VPS53: variants seen among roughly 807,000 people sequenced by gnomAD.
The protein encoded by VPS53 is vacuolar protein sorting-associated protein 53 homolog.
In VPS53, 70 loss-of-function variants were observed where a neutral mutation model predicts 107.0. The observed-to-expected ratio is 0.65, with a 90% CI of 0.54 to 0.80. VPS53 has a LOEUF of 0.80. Ranked by LOEUF, VPS53 falls within the 30% of genes least tolerant of loss-of-function variation. VPS53 has a pLI of 0.00. For missense variants in VPS53, 917 were observed against 1,049.4 expected (o/e 0.87, Z 1.74); for synonymous variants, 409 against 393.3 (o/e 1.04, Z -0.47).
intron 18 of VPS53, among the ~76,000 whole-genome samples, chr17:534,485 G>A (rs1253319242): frequency 1.3e-5 from 2 of 152,200 alleles, no homozygotes; most frequent in Non-Finnish European, 2.9e-5. Context: ...TTGTGATCAG[G>A]AAGGAGAGTA....
chr17:551,353 C>T (rs969139599), intron 17 of VPS53, among the ~76,000 whole-genome samples: 50 of 151,972 alleles, frequency 3.3e-4, no homozygotes, highest in Middle Eastern at 3.2e-3. Flanking sequence ...GACTGCTTGA[C>T]GCCAGGAGTT....
At chr17:556,406 G>C (rs1019942462) in intron 15 of VPS53, among the ~76,000 whole-genome samples, 1 of 152,196 alleles carries the variant, frequency 6.6e-6, no homozygotes, top group Non-Finnish European at 1.5e-5. Context: ...ATGGGAAACT[G>C]GGTAAGTGGT....
In VPS53 at chr17:676,345, T is replaced by C. The variant is rs191272980; in HGVS notation, c.286-14450A>G. 149 of 152,358 alleles carry C rather than the reference T, an allele frequency of 9.8e-4. 1 individual carries two copies. Among genetic ancestry groups the C allele is most frequent in the African/African-American group, 3.3e-3 (139 of 41,574 alleles). The allele number at this position is 152,358 out of a possible 1,614,324, so 9.4% of individuals were successfully genotyped here. ...AAACATATCTCAGTGACTTCTTGTA[T>C]CAAGGACCTGAAATCCAGAAGGCTT... On this transcript the variant is annotated intron_variant, in intron 4 of 21. Transcript: ENST00000437048.
At chr17:705,146 T>C (rs1284457398) in intron 2 of VPS53, among the ~76,000 whole-genome samples, 1 of 152,132 alleles carries the variant, frequency 6.6e-6, no homozygotes, top group Admixed American at 6.6e-5. Context: ...CTGAGTATGT[T>C]CAAACTTGGG....
At chr17:697,521 A>C in intron 3 of VPS53, 37 bp from the exon 4 acceptor site, 1 of 1,527,174 alleles carries the variant, frequency 6.5e-7, no homozygotes, top group Non-Finnish European at 9.1e-7. Context: ...CATTCAAATA[A>C]TCTTTATTCT....
intron 4 of VPS53, among the ~76,000 whole-genome samples, chr17:668,332 T>C (rs1195339453): frequency 6.6e-6 from 1 of 152,162 alleles, no homozygotes; most frequent in Admixed American, 6.5e-5. Context: ...TGACAAATAT[T>C]GCCCACTGAT....
At chr17:632,548 T>A (rs1289833005) in intron 7 of VPS53, among the ~76,000 whole-genome samples, 3 of 152,250 alleles carry the variant, frequency 2.0e-5, no homozygotes, top group South Asian at 2.1e-4. Flanking sequence ...TAGTTATTTT[T>A]AAATAAACAA....
chr17:532,701 T>C, intron 19 of VPS53, 141 bp downstream of exon 19: 2 of 1,433,550 alleles, frequency 1.4e-6, no homozygotes, highest in African/African-American at 1.4e-5. Flanking sequence ...TTAAGAAACC[T>C]TCCGGGTGAG....
At chr17:646,737 GCCT>G (rs1970728635) in intron 7 of VPS53, among the ~76,000 whole-genome samples, 1 of 139,022 alleles carries the variant, frequency 7.2e-6, no homozygotes, top group Non-Finnish European at 1.6e-5. Flanking sequence ...CGTGGCCACT[GCCT>G]CCTAAGGGTC....
At chr17:698,495 A>C (rs1973068017) in intron 3 of VPS53, among the ~76,000 whole-genome samples, 1 of 151,990 alleles carries the variant, frequency 6.6e-6, no homozygotes, top group African/African-American at 2.4e-5. Context: ...GCTTGAGCTC[A>C]GCAGTTTGAG....
chr17:656,026 C>G, intron 5 of VPS53, 73 bp from the exon 6 acceptor site: 1 of 1,197,770 alleles, frequency 8.3e-7, no homozygotes, highest in Middle Eastern at 2.1e-4. Flanking sequence ...GCAAGTAGCT[C>G]TGTAAGAAAC....
At chr17:570,892 G>T (rs1401675663) in intron 13 of VPS53, among the ~76,000 whole-genome samples, 1 of 152,160 alleles carries the variant, frequency 6.6e-6, no homozygotes, top group Non-Finnish European at 1.5e-5. Context: ...CAGTAATGTT[G>T]TATCAACGTT....
chr17:591,637 C>T (rs367899851), intron 12 of VPS53, among the ~76,000 whole-genome samples: 2 of 152,068 alleles, frequency 1.3e-5, no homozygotes, highest in East Asian at 3.9e-4. Flanking sequence ...TCGTTATGTA[C>T]CCAGTAGTCA....
intron 15 of VPS53, among the ~76,000 whole-genome samples, chr17:558,432 G>C (rs992385375): frequency 6.6e-6 from 1 of 152,038 alleles, no homozygotes; most frequent in East Asian, 1.9e-4. Flanking sequence ...AGGAGATCGA[G>C]ACTATCCTGG....
intron 13 of VPS53, among the ~76,000 whole-genome samples, chr17:573,343 C>T (rs556614135): frequency 3.3e-5 from 5 of 152,234 alleles, no homozygotes; most frequent in African/African-American, 4.8e-5. Flanking sequence ...GATGTAAGGA[C>T]GGCTTAGCCC....
At chr17:712,395 G>A (rs1440559491) in intron 1 of VPS53, among the ~76,000 whole-genome samples, 7 of 151,210 alleles carry the variant, frequency 4.6e-5, no homozygotes, top group Admixed American at 4.6e-4. Flanking sequence ...TGGCCAGGCT[G>A]GTCTTGAACT....
chr17:548,108 G>A (rs1233522162), intron 17 of VPS53, among the ~76,000 whole-genome samples: 1 of 152,192 alleles, frequency 6.6e-6, no homozygotes, highest in Non-Finnish European at 1.5e-5. Flanking sequence ...TGCATTCAGG[G>A]AAGTAAACAT....
At chr17:668,815 A>C (rs576564903) in intron 4 of VPS53, among the ~76,000 whole-genome samples, 3 of 152,268 alleles carry the variant, frequency 2.0e-5, no homozygotes, top group Middle Eastern at 3.4e-3. Context: ...ATCCTATCTC[A>C]GAGAAAGGGT....
Position 653,349 on chromosome 17 carries a change from C to G in VPS53, c.550G>C (p.Val184Leu). ...ATATACTTGTGGAAGTGCTCCAGGA[C>G]ATTCATCACACCCTGAAGGAGATTA... ...VANLLQGVMN[V>L]LEHFHKYMGI... The change falls in exon 7 of 22, where the codon GTC (valine) becomes CTC (leucine). Residue 184 changes from valine to leucine, a missense_variant. By Grantham distance (32) the Val-to-Leu change is conservative. Coordinates refer to ENST00000437048, the MANE Select transcript of VPS53 (RefSeq NM_001128159.3). 2 of 1,614,242 alleles carry G rather than the reference C, an allele frequency of 1.2e-6. No homozygotes were observed. Among genetic ancestry groups the G allele is most frequent in the Non-Finnish European group, 1.7e-6 (2 of 1,180,050 alleles).
Sources: gnomAD v4.1 joint callset for allele counts (sites outside exome capture counted in the v4.1 genomes callset) on GRCh38, gnomAD v4.1.1 for gene constraint, MANE v1.5 for transcripts, NCBI Gene and HGNC (gene_info 2026-07-23, HGNC 2026-07-21) for gene names.